B3GALT5: variants seen among roughly 807,000 people sequenced by gnomAD.
B3GALT5 encodes UDP-Gal:betaGlcNAc beta 1,3-galactosyltransferase, polypeptide 5.
For missense variants in B3GALT5, 328 were observed against 396.6 expected (o/e 0.83, Z 1.47); for synonymous variants, 156 against 158.6 (o/e 0.98, Z 0.12).
At chr21:39,621,639 A>T (rs2079135001) in intron 1 of B3GALT5, among the ~76,000 whole-genome samples, 1 of 152,068 alleles carries the variant, frequency 6.6e-6, no homozygotes. Context: ...TTTTCAATGA[A>T]CTACATTAAT....
chr21:39,641,749 A>T (rs536467957), intron 1 of B3GALT5, among the ~76,000 whole-genome samples: 49 of 152,332 alleles, frequency 3.2e-4, no homozygotes, highest in African/African-American at 1.2e-3. Flanking sequence ...TTCATATTCC[A>T]TCATATAATT....
At chr21:39,616,593 A>G (rs1035600699) in intron 1 of B3GALT5, among the ~76,000 whole-genome samples, 5 of 152,022 alleles carry the variant, frequency 3.3e-5, no homozygotes, top group African/African-American at 1.2e-4. Flanking sequence ...TGTCAAGCAT[A>G]TTTAACAAGG....
At chr21:39,614,322 T>TAA (rs1333250986) in intron 1 of B3GALT5, among the ~76,000 whole-genome samples, 2 of 152,220 alleles carry the variant, frequency 1.3e-5, no homozygotes, top group Non-Finnish European at 2.9e-5. Flanking sequence ...CAGTTCGTCT[T>TAA]AAGTAGTTTC....
intron 1 of B3GALT5, among the ~76,000 whole-genome samples, chr21:39,640,653 A>G (rs1174341353): frequency 6.6e-6 from 1 of 152,042 alleles, no homozygotes; most frequent in Non-Finnish European, 1.5e-5. Flanking sequence ...TTATTTGATG[A>G]TAAAGTGGAT....
At chr21:39,620,243 A>G (rs1053388045) in intron 1 of B3GALT5, among the ~76,000 whole-genome samples, 1 of 152,128 alleles carries the variant, frequency 6.6e-6, no homozygotes, top group Non-Finnish European at 1.5e-5. Flanking sequence ...TGCTTTATTC[A>G]TGTTCAATCT....
At chr21:39,627,087 T>C (rs2079168294) in intron 1 of B3GALT5, among the ~76,000 whole-genome samples, 1 of 152,194 alleles carries the variant, frequency 6.6e-6, no homozygotes, top group African/African-American at 2.4e-5. Context: ...ATGATCACCT[T>C]CCTTTTCCTT....
At chr21:39,643,063 A>AT (rs202241587) in intron 1 of B3GALT5, among the ~76,000 whole-genome samples, 1,587 of 150,566 alleles carry the variant, frequency 0.011, 10 homozygotes, top group Non-Finnish European at 0.017. Flanking sequence ...AAAAAAAAAA[A>AT]ATTTTTGTAA....
At chr21:39,633,195 A>G (rs1251020355) in intron 1 of B3GALT5, among the ~76,000 whole-genome samples, 1 of 152,116 alleles carries the variant, frequency 6.6e-6, no homozygotes, top group Non-Finnish European at 1.5e-5. Flanking sequence ...AGGGCCACAA[A>G]GGTTTCTGTG....
At position 39,661,077 on chromosome 21, in the gene B3GALT5, A is replaced by G; in HGVS notation, c.518A>G (p.Lys173Arg). The change falls in exon 4 of 4, where the codon AAA (lysine) becomes AGA (arginine). Residue 173 changes from lysine (K) to arginine (R), a missense_variant. Lys to Arg is a conservative substitution (Grantham distance 26). Transcript: ENST00000684187. This position sits in a 1 kb window ranked among gnomAD's most constrained non-coding sequence, Gnocchi z 4.7. ...VDYLTELLLK[K>R]NRTTRFFTGF... is the part of the protein sequence containing the mutation. ...TATCTGACTGAACTGCTTCTGAAGA[A>G]AAACAGAACAACCAGGTTTTTCACT... The G allele has an allele frequency of 6.2e-7, 1 of 1,614,216 alleles. No homozygotes were observed. Among genetic ancestry groups the G allele is most frequent in the Non-Finnish European group, 8.5e-7 (1 of 1,180,036 alleles).
At chr21:39,642,888 A>AG (rs140055970) in intron 1 of B3GALT5, among the ~76,000 whole-genome samples, 1 of 80,454 alleles carries the variant, frequency 1.2e-5, no homozygotes, top group Non-Finnish European at 2.7e-5. Context: ...AAAAAAAAAA[A>AG]AAAGAAAAGA....
chr21:39,617,795 G>A (rs1316987534), intron 1 of B3GALT5, among the ~76,000 whole-genome samples: 1 of 152,086 alleles, frequency 6.6e-6, no homozygotes, highest in Non-Finnish European at 1.5e-5. Context: ...CGTAGTTTAT[G>A]TGTGGCCCAA....
In B3GALT5 at chr21:39,672,150, A is replaced by C. The variant is rs1357399481; in HGVS notation, c.*10658A>C. 1.3e-5 allele frequency: 2 copies of C among 152,252 alleles called. No individual in the cohort carries two copies. Among genetic ancestry groups the C allele is most frequent in the African/African-American group, 4.8e-5 (2 of 41,462 alleles). The allele number at this position is 152,252 out of a possible 1,614,324, so 9.4% of individuals were successfully genotyped here. On this transcript the variant is annotated 3_prime_UTR_variant, in exon 4 of 4. Coordinates refer to ENST00000684187, the MANE Select transcript of B3GALT5 (RefSeq NM_001356336.2). Reference sequence around the variant, plus strand: ...AAAGAAGCGCAGAGTTAAGTTGGCCAGTGTGGCGTGGACACAGCCAGGCGC... The same window carrying C: ...AAAGAAGCGCAGAGTTAAGTTGGCCCGTGTGGCGTGGACACAGCCAGGCGC...
rs767590942 is a variant in B3GALT5, at chr21:39,660,871, G to A, written c.312G>A (p.Ala104=). The A allele has an allele frequency of 2.9e-5, 46 of 1,612,422 alleles. No homozygotes were observed. The highest frequency in any genetic ancestry group is 5.3e-5 in the African/African-American group (4 of 74,840). Residue 104 remains alanine, a synonymous_variant, in exon 4 of 4, where the codon GCG becomes GCA. Coordinates refer to ENST00000684187, the MANE Select transcript of B3GALT5 (RefSeq NM_001356336.2). ...TCCTGGGGACCACCAGCAGTGCAGC[G>A]GAAACGAAAGAGGTGGACCAGGAGA... ...FFLLGTTSSA[A]ETKEVDQESQ... is the part of the protein sequence containing the mutation.
At position 39,660,775 on chromosome 21, in the gene B3GALT5, G is replaced by A. The variant is rs766355740; in HGVS notation, c.216G>A (p.Glu72=). 1.3e-6 allele frequency: 2 copies of A among 1,566,316 alleles called. No homozygotes were observed. The highest frequency in any genetic ancestry group is 1.9e-5 in the Admixed American group (1 of 53,720). The part of the protein sequence containing the change: ...LVTSSHKQLA[E]RMAIRQTWGK... Reference sequence around the variant, plus strand: ...CCTCATCCCACAAACAGTTGGCTGAGCGCATGGCCATCCGGCAGACGTGGG... The same window carrying A: ...CCTCATCCCACAAACAGTTGGCTGAACGCATGGCCATCCGGCAGACGTGGG... Residue 72 remains glutamate, a synonymous_variant, in exon 4 of 4, where the codon GAG becomes GAA. Coordinates refer to ENST00000684187, the MANE Select transcript of B3GALT5 (RefSeq NM_001356336.2).
chr21:39,642,164 G>A (rs1043890772), intron 1 of B3GALT5, among the ~76,000 whole-genome samples: 15 of 152,232 alleles, frequency 9.9e-5, no homozygotes, highest in Middle Eastern at 3.4e-3. Context: ...TTTCCATCAC[G>A]TCCATTCATT....
chr21:39,661,304 T>C lies in B3GALT5; in HGVS notation c.745T>C (p.Cys249Arg). The C allele has an allele frequency of 4.3e-6, 7 of 1,614,188 alleles. No individual in the cohort carries two copies. Among genetic ancestry groups the C allele is most frequent in the Non-Finnish European group, 5.9e-6 (7 of 1,180,040 alleles). Residue 249 changes from cysteine to arginine, a missense_variant, in exon 4 of 4, where the codon TGC (cysteine) becomes CGC (arginine). By Grantham distance (180) the Cys-to-Arg change is radical (BLOSUM62 -3). Coordinates refer to ENST00000684187, the MANE Select transcript of B3GALT5 (RefSeq NM_001356336.2). The surrounding 1 kb of genome is among the most constrained non-coding windows in gnomAD (Gnocchi z 4.7). ...ACTGGAAGACGTGTTTGTGGGGCTC[T>C]GCCTCGAAAGGCTGAACATCAGATT... Reference protein sequence around the residue: ...IKLEDVFVGLCLERLNIRLEE... With the variant: ...IKLEDVFVGLRLERLNIRLEE...
chr21:39,655,215 C>A (rs1257382875), intron 2 of B3GALT5, among the ~76,000 whole-genome samples: 1 of 152,194 alleles, frequency 6.6e-6, no homozygotes, highest in Non-Finnish European at 1.5e-5. Flanking sequence ...CAGTTCAAGT[C>A]CGAAGGCAGG....
chr21:39,639,061 A>G (rs1224659469), intron 1 of B3GALT5, among the ~76,000 whole-genome samples: 1 of 152,216 alleles, frequency 6.6e-6, no homozygotes, highest in Non-Finnish European at 1.5e-5. Flanking sequence ...TCTTTCCCAC[A>G]GCCTCGCTCC....
chr21:39,617,755 T>A (rs2123681761), intron 1 of B3GALT5, among the ~76,000 whole-genome samples: 1 of 152,322 alleles, frequency 6.6e-6, no homozygotes, highest in South Asian at 2.1e-4. Flanking sequence ...GAGATTTTTT[T>A]AAAAGCTCAT....
Sources: allele counts gnomAD v4.1 joint callset (sites outside exome capture counted in the v4.1 genomes callset), GRCh38; gene constraint gnomAD v4.1.1; non-coding constraint Gnocchi (gnomAD v3.1); transcripts MANE v1.5; gene names NCBI Gene and HGNC (gene_info 2026-07-23, HGNC 2026-07-21).